The following EXOC4 variants were observed in gnomAD, a reference collection of about 807,000 sequenced individuals.
The protein encoded by EXOC4 is exocyst complex component 4.
In EXOC4, 71 loss-of-function variants were observed where a neutral mutation model predicts 107.2. That is an observed-to-expected ratio of 0.66 (90% confidence interval 0.55 to 0.81). The LOEUF (loss-of-function observed/expected upper bound fraction) is 0.81, where lower values mean the gene tolerates loss of function less well. Ranked by LOEUF, EXOC4 falls within the 30% of genes least tolerant of loss-of-function variation. The probability of loss-of-function intolerance (pLI) is 0.00; values close to 1 mark genes in which losing one functional copy is unlikely to be tolerated. For missense variants in EXOC4, 1,108 were observed against 1,189.6 expected (o/e 0.93, Z 1.01); for synonymous variants, 456 against 441.2 (o/e 1.03, Z -0.42).
chr7:133,487,838 G>A (rs1319985598), intron 9 of EXOC4, among the ~76,000 whole-genome samples: 2 of 152,050 alleles, frequency 1.3e-5, no homozygotes, highest in East Asian at 3.8e-4. Context: ...TCAATTATTT[G>A]GTTCACATTG....
At chr7:133,909,457 T>G (rs1196622004) in intron 12 of EXOC4, among the ~76,000 whole-genome samples, 1 of 152,088 alleles carries the variant, frequency 6.6e-6, no homozygotes, top group East Asian at 1.9e-4. Context: ...GAAGGAGCCA[T>G]GTGGAAATGT....
chr7:133,487,690 C>A (rs1162799889), intron 9 of EXOC4, among the ~76,000 whole-genome samples: 3 of 152,056 alleles, frequency 2.0e-5, no homozygotes, highest in Non-Finnish European at 2.9e-5. Flanking sequence ...GCCTGGGCGA[C>A]AGAGTGAGAC....
At chr7:133,719,944 A>G (rs184034173) in intron 10 of EXOC4, among the ~76,000 whole-genome samples, 1 of 152,244 alleles carries the variant, frequency 6.6e-6, no homozygotes, top group African/African-American at 2.4e-5. Flanking sequence ...AATTGAAGGT[A>G]TGCAAAGGAG....
At chr7:133,442,038 G>A (rs1319753429) in intron 7 of EXOC4, among the ~76,000 whole-genome samples, 1 of 152,180 alleles carries the variant, frequency 6.6e-6, no homozygotes, top group Admixed American at 6.5e-5. Flanking sequence ...AGATCTACCA[G>A]TAACTAATGA....
At chr7:134,088,968 A>T in the EXOC4 span, among the ~76,000 whole-genome samples, 3 of 152,164 alleles carry the variant, frequency 2.0e-5, no homozygotes, top group African/African-American at 7.2e-5. Flanking sequence ...TCTTAATAAA[A>T]CCTTATAAAT....
intron 14 of EXOC4, among the ~76,000 whole-genome samples, chr7:133,992,925 C>T (rs980151191): frequency 6.6e-6 from 1 of 151,614 alleles, no homozygotes; most frequent in African/African-American, 2.4e-5. Context: ...TATGTTCCTT[C>T]TATACCCAGT....
chr7:133,739,222 T>TTGTGTGTGTGTGTGTGTGTGTGTG (rs72444310), intron 10 of EXOC4, among the ~76,000 whole-genome samples: 1 of 142,308 alleles, frequency 7.0e-6, no homozygotes, highest in Non-Finnish European at 1.5e-5. Context: ...GTAGAGGGGT[T>TTGTGTGTGTGTGTGTGTGTGTGTG]TGTGTGTGTG....
intron 9 of EXOC4, among the ~76,000 whole-genome samples, chr7:133,481,828 G>T (rs181156609): frequency 6.6e-6 from 1 of 152,266 alleles, no homozygotes; most frequent in East Asian, 1.9e-4. Context: ...CAAGTGAAAG[G>T]ACAGAAAGGA....
intron 14 of EXOC4, among the ~76,000 whole-genome samples, chr7:133,991,102 A>T (rs1010360861): frequency 4.6e-5 from 7 of 152,124 alleles, no homozygotes; most frequent in Non-Finnish European, 5.9e-5. Context: ...TTTTTATAAT[A>T]GTCATTCTCA....
intron 10 of EXOC4, among the ~76,000 whole-genome samples, chr7:133,721,393 T>G (rs1241746211): frequency 6.6e-6 from 1 of 152,128 alleles, no homozygotes; most frequent in Non-Finnish European, 1.5e-5. Context: ...ATTAATAAGA[T>G]AGAGATTCTC....
chr7:133,291,992 T>G (rs1794417248), intron 3 of EXOC4, among the ~76,000 whole-genome samples: 1 of 152,194 alleles, frequency 6.6e-6, no homozygotes, highest in Admixed American at 6.5e-5. Context: ...TTTTAACTCC[T>G]GTAACTTTAT....
rs201216157 is a variant in EXOC4, at chr7:133,715,480, C to CTT, written c.1514+85351_1514+85352dup. 2.2e-3 allele frequency among the ~76,000 whole-genome samples: 310 copies of CTT among 143,356 alleles called. 2 individuals are homozygous for CTT. The highest frequency in any genetic ancestry group is 7.4e-3 in the African/African-American group (292 of 39,422). 94.0% of individuals were successfully genotyped at this position (143,356 alleles called of 152,430 possible). ...TTAAATCTTTCACATTTTCTAATGA[C>CTT]TTTTTTTTTTTTTGGAAGGGGGAGA... On this transcript the variant is annotated intron_variant, in intron 10 of 17. Coordinates refer to ENST00000253861, the MANE Select transcript of EXOC4 (RefSeq NM_021807.4).
intron 17 of EXOC4, among the ~76,000 whole-genome samples, chr7:134,011,404 C>T (rs1267109637): frequency 6.6e-6 from 1 of 152,096 alleles, no homozygotes; most frequent in African/African-American, 2.4e-5. Context: ...CTTTCTCTGC[C>T]TCTTCAGCTG....
intron 10 of EXOC4, among the ~76,000 whole-genome samples, chr7:133,659,310 A>G (rs1362402500): frequency 2.0e-5 from 3 of 152,124 alleles, no homozygotes; most frequent in Non-Finnish European, 4.4e-5. Context: ...TAAGTATCCG[A>G]TAAGTGGTAA....
At chr7:133,912,011 A>G (rs114751606) in intron 12 of EXOC4, among the ~76,000 whole-genome samples, 3 of 152,214 alleles carry the variant, frequency 2.0e-5, no homozygotes, top group South Asian at 4.1e-4. Context: ...GAAATTTTGT[A>G]TAATTTCCAC....
intron 11 of EXOC4, among the ~76,000 whole-genome samples, chr7:133,849,297 A>G (rs1338101941): frequency 1.3e-5 from 2 of 152,102 alleles, no homozygotes; most frequent in African/African-American, 2.4e-5. Context: ...GCACATGCCT[A>G]TAGTCTGAGC....
chr7:133,265,891 G>T (rs1253753632), intron 1 of EXOC4, among the ~76,000 whole-genome samples: 1 of 152,140 alleles, frequency 6.6e-6, no homozygotes, highest in African/African-American at 2.4e-5. Flanking sequence ...GCTGTATTAG[G>T]CAGCTAATTC....
chr7:133,366,347 T>G (rs1796248944), intron 6 of EXOC4, among the ~76,000 whole-genome samples: 1 of 152,198 alleles, frequency 6.6e-6, no homozygotes, highest in Non-Finnish European at 1.5e-5. Context: ...ATAGATGATC[T>G]GGGAGAATAA....
At chr7:133,845,568 G>A (rs902886546) in intron 11 of EXOC4, among the ~76,000 whole-genome samples, 3 of 151,816 alleles carry the variant, frequency 2.0e-5, no homozygotes, top group African/African-American at 7.3e-5. Flanking sequence ...CATGTAACTT[G>A]GTGGGCTTTC....
Sources: gnomAD v4.1 joint callset for allele counts (sites outside exome capture counted in the v4.1 genomes callset) on GRCh38, gnomAD v4.1.1 for gene constraint, MANE v1.5 for transcripts, NCBI Gene and HGNC (gene_info 2026-07-23, HGNC 2026-07-21) for gene names.